Variants in HECTD4 observed in about 807,000 individuals in gnomAD.
HECTD4 encodes the protein probable E3 ubiquitin-protein ligase HECTD4.
A neutral mutation model predicts 471.5 loss-of-function variants in HECTD4; 114 were observed. That is an observed-to-expected ratio of 0.24 (90% CI 0.21 to 0.28). The LOEUF (loss-of-function observed/expected upper bound fraction) is 0.28, where lower values mean the gene tolerates loss of function less well. HECTD4 is among the 10% of genes least tolerant of loss of function. HECTD4 has a pLI of 1.00. For missense variants in HECTD4, 3,866 were observed against 5,651.5 expected, an observed-to-expected ratio of 0.68 and a Z score of 10.13; for synonymous variants, 2,012 against 2,256.0, an observed-to-expected ratio of 0.89 and a Z score of 3.07.
At chr12:112,282,405 A>C (rs933206952) in intron 8 of HECTD4, among the ~76,000 whole-genome samples, 14 of 151,892 alleles carry the variant, frequency 9.2e-5, no homozygotes, top group Admixed American at 7.2e-4. Context: ...CAAAAACAAA[A>C]AACAACAACA....
Position 112,194,760 on chromosome 12 carries a change from A to G in HECTD4, c.8749+125T>C. 2.3e-6 allele frequency: 2 copies of G among 858,904 alleles called. No homozygotes were observed. The highest frequency in any genetic ancestry group is 1.8e-6 in the Non-Finnish European group (1 of 563,584). The allele number at this position is 858,904 out of a possible 1,614,324, so 53.2% of individuals were successfully genotyped here. A position where few individuals can be genotyped will look rare whatever the true frequency, so the allele number is the denominator to read the frequency against. Reference sequence around the variant, plus strand: ...AGGAGAATCCCAGTTCCTGCGTGCAATTTCTCACGTGAGCCTATGCGCACC... The same window carrying G: ...AGGAGAATCCCAGTTCCTGCGTGCAGTTTCTCACGTGAGCCTATGCGCACC... On this transcript the variant is annotated intron_variant, in intron 56 of 75. Coordinates refer to ENST00000682272, the MANE Select transcript of HECTD4 (RefSeq NM_001388303.1). This position sits in a 1 kb window ranked among gnomAD's most constrained non-coding sequence, Gnocchi z 4.6.
rs371045885 is a variant in HECTD4 at position 112,193,548 on chromosome 12, T to G, written c.8876A>C (p.Asn2959Thr). ...GTGCAGGGTCCGGGTGATGGCCACG[T>G]TGAGCCACTCTCTCACTGTCTGGGA... ...GNSQTVREWL[N>T]VAITRTLHQG... Residue 2959 changes from asparagine to threonine, a missense_variant, in exon 57 of 76, where the codon AAC becomes ACC. By Grantham distance (65) the Asn-to-Thr change is moderately conservative (BLOSUM62 0). This residue lies in a region of HECTD4 where 364 missense variants were observed against 413.2 expected (regional missense o/e 0.88). Transcript: ENST00000682272. This position sits in a 1 kb window ranked among gnomAD's most constrained non-coding sequence, Gnocchi z 5.2. 2.5e-6 allele frequency: 4 copies of G among 1,612,952 alleles called. No homozygotes were observed. Among genetic ancestry groups the G allele is most frequent in the Non-Finnish European group, 3.4e-6 (4 of 1,179,482 alleles).
intron 1 of HECTD4, among the ~76,000 whole-genome samples, chr12:112,360,781 C>A (rs1050634408): frequency 1.3e-5 from 2 of 151,810 alleles, no homozygotes; most frequent in Non-Finnish European, 2.9e-5. Flanking sequence ...GTCAGGAGTT[C>A]GAGACCAGCC....
intron 4 of HECTD4, among the ~76,000 whole-genome samples, chr12:112,310,882 T>C (rs1476482185): frequency 3.3e-5 from 5 of 152,214 alleles, no homozygotes; most frequent in African/African-American, 7.2e-5. Flanking sequence ...CAGGAATGGA[T>C]ACTTGTTGAA....
Position 112,248,493 on chromosome 12 carries a change from C to T in HECTD4, c.3970G>A (p.Val1324Met), listed in dbSNP as rs762793461. The T allele has an allele frequency of 7.5e-6, 12 of 1,605,544 alleles. No individual in the cohort carries two copies. Among genetic ancestry groups the T allele is most frequent in the Admixed American group, 3.4e-5 (2 of 58,304 alleles). The stretch of plus-strand genomic sequence containing the variant: ...CAAGATACCACCATTTCCTCCATCA[C>T]GTCTGGCTGAATCACTTCTCTGTGA... ...PSIKEVIQPD[V>M]MEEMVVSCVI... Residue 1324 changes from valine to methionine, a missense_variant, in exon 26 of 76, where the codon GTG becomes ATG. Coordinates refer to ENST00000682272, the MANE Select transcript of HECTD4 (RefSeq NM_001388303.1).
At chr12:112,338,876 C>G (rs891703646) in intron 1 of HECTD4, among the ~76,000 whole-genome samples, 1 of 152,046 alleles carries the variant, frequency 6.6e-6, no homozygotes, top group Admixed American at 6.6e-5. Context: ...AGAAACAGAT[C>G]TTCTGAGAAC....
At chr12:112,299,440 C>A (rs1187552904) in intron 7 of HECTD4, among the ~76,000 whole-genome samples, 1 of 151,908 alleles carries the variant, frequency 6.6e-6, no homozygotes, top group Non-Finnish European at 1.5e-5. Context: ...CATGGAGAAA[C>A]CTCCCACCCC....
rs866896469 is a variant in HECTD4, at chr12:112,228,725, G to A, written c.6606C>T (p.Pro2202=). ...QEGIATVRFP[P]IDCRKTSQAS... ...CTTGCGAAGTCTTTCTACAGTCTAT[G>A]GGTGGGAATCTGACTGTAGCTATAC... Residue 2202 remains proline (P), a synonymous_variant, in exon 42 of 76, where the codon CCC becomes CCT. Coordinates refer to ENST00000682272, the MANE Select transcript of HECTD4 (RefSeq NM_001388303.1). The surrounding 1 kb of genome is among the most constrained non-coding windows in gnomAD (Gnocchi z 4.9). 6.2e-7 allele frequency: 1 copy of A among 1,613,302 alleles called. No individual in the cohort carries two copies. Among genetic ancestry groups the A allele is most frequent in the South Asian group, 1.1e-5 (1 of 91,022 alleles).
chr12:112,273,878 G>A, intron 10 of HECTD4, 83 bp from the exon 11 acceptor site: 1 of 1,485,226 alleles, frequency 6.7e-7, no homozygotes, highest in Non-Finnish European at 9.2e-7. Context: ...CTACAAAGTG[G>A]AAGGGCAAGG....
chr12:112,233,188 C>A, intron 37 of HECTD4, 103 bp from the exon 38 acceptor site: 3 of 600,788 alleles, frequency 5.0e-6, no homozygotes, highest in Non-Finnish European at 8.9e-6. Context: ...CTATTATACA[C>A]TAACATTAGC....
At position 112,258,652 on chromosome 12, in the gene HECTD4, G is replaced by T. The variant is rs192796257; in HGVS notation, c.3028-56C>A. The T allele has an allele frequency of 2.5e-4, 353 of 1,391,806 alleles. 1 individual carries two copies. In the African/African-American group the frequency reaches 4.6e-3, roughly 18 times the overall value. 86.2% of individuals were successfully genotyped at this position (1,391,806 alleles called of 1,614,324 possible). ...AGGGCTACTGTCAGTTATCTGAATG[G>T]TATGACAGCCAAACTTAGAGGTCTC... On this transcript the variant is annotated intron_variant, in intron 19 of 75. Coordinates refer to ENST00000682272, the MANE Select transcript of HECTD4 (RefSeq NM_001388303.1).
chr12:112,322,071 A>G (rs1367780380), intron 1 of HECTD4: 1 of 151,106 alleles, frequency 6.6e-6, no homozygotes, highest in Non-Finnish European at 1.5e-5. Context: ...TAGCCACTGC[A>G]CTCCAGCCTA....
At chr12:112,318,561 A>G (rs1261923634) in intron 2 of HECTD4, among the ~76,000 whole-genome samples, 1 of 152,064 alleles carries the variant, frequency 6.6e-6, no homozygotes, top group Non-Finnish European at 1.5e-5. Flanking sequence ...TTTAGTAGAG[A>G]CAGGGTTTCA....
At chr12:112,244,049 T>C (rs2033701746) in intron 29 of HECTD4, 40 bp from the exon 30 acceptor site, 1 of 1,607,500 alleles carries the variant, frequency 6.2e-7, no homozygotes, top group African/African-American at 1.3e-5. Context: ...ATTTCTGCTA[T>C]CTGTACAACA....
intron 37 of HECTD4, among the ~76,000 whole-genome samples, chr12:112,234,408 C>T (rs1206142491): frequency 6.6e-6 from 1 of 152,158 alleles, no homozygotes; most frequent in Non-Finnish European, 1.5e-5. Context: ...TAATGGCAGA[C>T]AGGGGATTCA....
intron 11 of HECTD4, among the ~76,000 whole-genome samples, chr12:112,273,320 T>C (rs2034456847): frequency 6.6e-6 from 1 of 152,190 alleles, no homozygotes; most frequent in Non-Finnish European, 1.5e-5. Flanking sequence ...TCATTACCAA[T>C]GCAAAACATT....
Position 112,170,447 on chromosome 12 carries a change from T to A in HECTD4, c.11938A>T (p.Ile3980Phe). 2 of 1,613,826 alleles carry A rather than the reference T, an allele frequency of 1.2e-6. No individual in the cohort carries two copies. The highest frequency in any genetic ancestry group is 2.2e-5 in the East Asian group (1 of 44,880). Residue 3980 changes from isoleucine (I) to phenylalanine (F), a missense_variant, in exon 69 of 76, where the codon ATC becomes TTC. Ile to Phe is a conservative substitution (Grantham distance 21). Coordinates refer to ENST00000682272, the MANE Select transcript of HECTD4 (RefSeq NM_001388303.1). Reference sequence around the variant, plus strand: ...ACGGTCACCTTCGTGTCATAGAAGATCAGCCCTAAGGAGAGGAACGTGGGA... The same window carrying A: ...ACGGTCACCTTCGTGTCATAGAAGAACAGCCCTAAGGAGAGGAACGTGGGA... ...AALLKEAKGL[I>F]FYDTKVTVMN...
In HECTD4 at chr12:112,188,650, C is replaced by T. The variant is rs186969172; in HGVS notation, c.9472+2136G>A. Among the ~76,000 whole-genome samples the T allele has an allele frequency of 1.1e-4, 17 of 152,340 alleles. No individual in the cohort carries two copies. The highest frequency in any genetic ancestry group is 4.1e-4 in the South Asian group (2 of 4,828). On this transcript the variant is annotated intron_variant, in intron 60 of 75. Coordinates refer to ENST00000682272, the MANE Select transcript of HECTD4 (RefSeq NM_001388303.1). The surrounding 1 kb of genome is among the most constrained non-coding windows in gnomAD (Gnocchi z 4.2). Reference sequence around the variant, plus strand: ...TTGTACAGGATAAAAGATTACTGGCCGGGGGAATCCCAAGGGCCTGCTGAA... The same window carrying T: ...TTGTACAGGATAAAAGATTACTGGCTGGGGGAATCCCAAGGGCCTGCTGAA...
rs1356993758 is a variant in HECTD4 at position 112,266,995 on chromosome 12, A to G, written c.2322-13T>C. 4 of 1,424,984 alleles carry G rather than the reference A, an allele frequency of 2.8e-6. No individual in the cohort carries two copies. The highest frequency in any genetic ancestry group is 1.4e-5 in the African/African-American group (1 of 70,082). 88.3% of individuals were successfully genotyped at this position (1,424,984 alleles called of 1,614,324 possible). A position where few individuals can be genotyped will look rare whatever the true frequency, so the allele number is the denominator to read the frequency against. ...ATTTAAACCAGAGCTGAAATGACAA[A>G]AAAGTCAAAAACATTTAAGCAAATG... On this transcript the variant is annotated splice_polypyrimidine_tract_variant and intron_variant, in intron 13 of 75. Transcript: ENST00000682272.
Sources: gnomAD v4.1 joint callset for allele counts (sites outside exome capture counted in the v4.1 genomes callset) on GRCh38, gnomAD v4.1.1 for gene constraint, gnomAD v4.1.1 regional missense constraint, Gnocchi (gnomAD v3.1) non-coding constraint, MANE v1.5 for transcripts, NCBI Gene and HGNC (gene_info 2026-07-23, HGNC 2026-07-21) for gene names.